The following SLC35E1 variants were observed in gnomAD, a reference collection of about 807,000 sequenced individuals.
The protein encoded by SLC35E1 is solute carrier family 35, member E1.
Under a neutral mutation model 31.0 loss-of-function variants are expected in SLC35E1, and 12 were observed. That is an observed-to-expected ratio of 0.39 (90% CI 0.25 to 0.63). The LOEUF (loss-of-function observed/expected upper bound fraction) is 0.63, where lower values mean the gene tolerates loss of function less well. SLC35E1 is among the 20% of genes least tolerant of loss of function. The pLI, the probability that SLC35E1 is intolerant of heterozygous loss-of-function variation, is 0.52. For synonymous variants in SLC35E1, 257 were observed against 264.1 expected, an observed-to-expected ratio of 0.97 and a Z score of 0.26; for missense variants, 429 against 572.2, an observed-to-expected ratio of 0.75 and a Z score of 2.55.
chr19:16,563,862 T>C (rs2122340496), intron 4 of SLC35E1, among the ~76,000 whole-genome samples: 1 of 152,240 alleles, frequency 6.6e-6, no homozygotes, highest in South Asian at 2.1e-4. Flanking sequence ...ATTATATGAG[T>C]GAGTGTACAG....
chr19:16,565,222 T>G (rs182393060), intron 4 of SLC35E1: 263 of 418,714 alleles, frequency 6.3e-4, no homozygotes, highest in Non-Finnish European at 1.0e-3. Context: ...TTTCTTTTTT[T>G]TTTTTGAGAC....
Position 16,553,827 on chromosome 19 carries a change from C to T in SLC35E1, c.1085G>A (p.Arg362Gln), listed in dbSNP as rs147619010. ...GTTGTGGGGCTTCTCCAGTGGGCTC[C>T]GGTGACGCTCCTTGCTGCTCAGGTC... Reference protein sequence around the residue: ...TADLSSKERHRSPLEKPHNGL... With the variant: ...TADLSSKERHQSPLEKPHNGL... Residue 362 changes from arginine (R) to glutamine (Q), a missense_variant, in exon 6 of 6, where the codon CGG becomes CAG. Coordinates refer to ENST00000595753, the MANE Select transcript of SLC35E1 (RefSeq NM_024881.5). The T allele has an allele frequency of 1.1e-5, 17 of 1,613,958 alleles. No individual in the cohort carries two copies. Among genetic ancestry groups the T allele is most frequent in the Middle Eastern group, 1.6e-4 (1 of 6,062 alleles).
chr19:16,557,938 C>T (rs765662400), intron 4 of SLC35E1, among the ~76,000 whole-genome samples: 4 of 152,258 alleles, frequency 2.6e-5, no homozygotes, highest in African/African-American at 9.6e-5. Context: ...CTCAGCCTCC[C>T]GCATAGCTGG....
At position 16,572,193 on chromosome 19, in the gene SLC35E1, G is replaced by A; in HGVS notation, c.172C>T (p.Pro58Ser). 2 of 1,532,096 alleles carry A rather than the reference G, an allele frequency of 1.3e-6. No homozygotes were observed. Among genetic ancestry groups the A allele is most frequent in the Non-Finnish European group, 1.8e-6 (2 of 1,138,700 alleles). 94.9% of individuals were successfully genotyped at this position (1,532,096 alleles called of 1,614,324 possible). ...ATGTGGCACAGCGACACGGTCACCG[G>A]GAACGGGAAGGCGCTCAGGATCACC... ...NKVILSAFPF[P>S]VTVSLCHILA... The change falls in exon 1 of 6, where the codon CCG becomes TCG. Residue 58 changes from proline (P) to serine (S), a missense_variant. By Grantham distance (74) the Pro-to-Ser change is moderately conservative (BLOSUM62 -1). Coordinates refer to ENST00000595753, the MANE Select transcript of SLC35E1 (RefSeq NM_024881.5). The surrounding 1 kb of genome is among the most constrained non-coding windows in gnomAD (Gnocchi z 4.1).
rs796374729 is a variant in SLC35E1 at position 16,562,981 on chromosome 19, T to C, written c.756+3551A>G. On this transcript the variant is annotated intron_variant, in intron 4 of 5. Coordinates refer to ENST00000595753, the MANE Select transcript of SLC35E1 (RefSeq NM_024881.5). Reference sequence around the variant, plus strand: ...TGCCTGCCTCTGCCTTCCAAAATACTGGGATTACATGTGTGAGGCACTGTG... The same window carrying C: ...TGCCTGCCTCTGCCTTCCAAAATACCGGGATTACATGTGTGAGGCACTGTG... Among the ~76,000 whole-genome samples, 11 of 152,302 alleles carry C rather than the reference T, an allele frequency of 7.2e-5. 1 individual carries two copies. The highest frequency in any genetic ancestry group is 2.6e-4 in the African/African-American group (11 of 41,572).
intron 4 of SLC35E1, among the ~76,000 whole-genome samples, chr19:16,564,721 C>T (rs2085923408): frequency 6.6e-6 from 1 of 152,178 alleles, no homozygotes; most frequent in South Asian, 2.1e-4. Flanking sequence ...CAAACAAACC[C>T]TCAACTCTGG....
rs1363513403 is a variant in SLC35E1, at chr19:16,553,976, A to G, written c.1003-67T>C. 6 of 1,402,970 alleles carry G rather than the reference A, an allele frequency of 4.3e-6. No individual in the cohort carries two copies. The East Asian group carries it at 9.9e-5, about 23-fold the overall frequency. 86.9% of individuals were successfully genotyped at this position (1,402,970 alleles called of 1,614,324 possible). A position where few individuals can be genotyped will look rare whatever the true frequency, so the allele number is the denominator to read the frequency against. On this transcript the variant is annotated intron_variant, in intron 5 of 5. Transcript: ENST00000595753. ...CATAAGAGCTCGTAATTCAAAGTCAATCAACTGGCTGGCTGCGGTGGCTCA... is the reference window on the plus strand; with the variant it reads ...CATAAGAGCTCGTAATTCAAAGTCAGTCAACTGGCTGGCTGCGGTGGCTCA...
intron 4 of SLC35E1, among the ~76,000 whole-genome samples, chr19:16,556,230 A>T (rs2085874466): frequency 6.6e-6 from 1 of 150,838 alleles, no homozygotes; most frequent in Non-Finnish European, 1.5e-5. Flanking sequence ...CAAACAAAAA[A>T]ACCAGTTTAG....
chr19:16,558,052 T>C (rs1402520147), intron 4 of SLC35E1, among the ~76,000 whole-genome samples: 1 of 149,670 alleles, frequency 6.7e-6, no homozygotes, highest in Non-Finnish European at 1.5e-5. Flanking sequence ...TTTGTTTTTG[T>C]TTTTTTTTGA....
At chr19:16,563,437 G>A (rs1265784713) in intron 4 of SLC35E1, among the ~76,000 whole-genome samples, 2 of 152,180 alleles carry the variant, frequency 1.3e-5, no homozygotes, top group African/African-American at 2.4e-5. Flanking sequence ...TATGGAACAG[G>A]TGAACTAGGA....
chr19:16,570,873 G>A (rs1568275629), intron 2 of SLC35E1, among the ~76,000 whole-genome samples: 1 of 152,124 alleles, frequency 6.6e-6, no homozygotes, highest in Non-Finnish European at 1.5e-5. Flanking sequence ...GAGGCGGACG[G>A]ATCACTTGAG....
chr19:16,567,572 T>A (rs1398392147), intron 3 of SLC35E1, among the ~76,000 whole-genome samples: 1 of 152,216 alleles, frequency 6.6e-6, no homozygotes, highest in Non-Finnish European at 1.5e-5. Context: ...AAACTTTTTT[T>A]TGTTTTTGAG....
chr19:16,562,564 C>T (rs1328478643), intron 4 of SLC35E1, among the ~76,000 whole-genome samples: 2 of 152,188 alleles, frequency 1.3e-5, no homozygotes, highest in African/African-American at 4.8e-5. Context: ...TACAATAAAA[C>T]TGCTATACAA....
Position 16,566,497 on chromosome 19 carries a change from A to C in SLC35E1, c.756+35T>G, listed in dbSNP as rs772893099. ...AAAGCACCTATTCTGGAACTAGCCA[A>C]GAAAATGGCGTGTTCTTGGTGCTGT... On this transcript the variant is annotated intron_variant, in intron 4 of 5. Transcript: ENST00000595753. 3.1e-6 allele frequency: 5 copies of C among 1,611,040 alleles called. No homozygotes were observed. The Admixed American group carries it at 8.4e-5, about 27-fold the overall frequency.
intron 2 of SLC35E1, 24 bp from the exon 3 acceptor site, chr19:16,568,193 G>A: frequency 6.3e-7 from 1 of 1,596,018 alleles, no homozygotes; most frequent in African/African-American, 1.3e-5. Context: ...TCATCAAGAA[G>A]GGCTCACAGG....
chr19:16,550,084 CA>C lies in SLC35E1; in HGVS notation c.*3594del, dbSNP rs1219677791. On this transcript the variant is annotated 3_prime_UTR_variant, in exon 6 of 6. Transcript: ENST00000595753. ...TGGGTGACATAGGACAAATATACAG[CA>C]AAATTCAGAAACTGCAAGTGCTTCC... 6.6e-6 allele frequency: 1 copy of C among 152,152 alleles called. No homozygotes were observed. Among genetic ancestry groups the C allele is most frequent in the Non-Finnish European group, 1.5e-5 (1 of 68,038 alleles). 9.4% of individuals were successfully genotyped at this position (152,152 alleles called of 1,614,324 possible). A position where few individuals can be genotyped will look rare whatever the true frequency, so the allele number is the denominator to read the frequency against.
At position 16,566,651 on chromosome 19, in the gene SLC35E1, G is replaced by A. The variant is rs764043868; in HGVS notation, c.637C>T (p.Arg213Ter). 5.6e-6 allele frequency: 9 copies of A among 1,611,658 alleles called. No homozygotes were observed. The highest frequency in any genetic ancestry group is 1.3e-5 in the African/African-American group (1 of 74,908). ...LQNIFSKKVL[R>*]DSRIHHLRLL... ...CGGAGATGGTGGATCCGTGAATCTC[G>A]CAAGACCTGGAAAGGGAAAGCCTCT... Residue 213 changes from arginine to a stop codon, truncating the protein, a stop_gained, in exon 4 of 6, where the codon CGA (arginine) becomes TGA (stop). Transcript: ENST00000595753. LOFTEE classifies it high-confidence loss of function.
In SLC35E1 at chr19:16,553,882, T is replaced by C. The variant is rs151052094; in HGVS notation, c.1030A>G (p.Arg344Gly). The change falls in exon 6 of 6, where the codon AGG becomes GGG. Residue 344 changes from arginine (R) to glycine (G), a missense_variant. Physicochemically the swap from Arg to Gly is moderately radical, Grantham distance 125. Coordinates refer to ENST00000595753, the MANE Select transcript of SLC35E1 (RefSeq NM_024881.5). ...GTGGTGACGGGGAGGAGGTGCTTCC[T>C]GGCTTGCTGGTTTGCATCGTACTTG... ...KTKYDANQQA[R>G]KHLLPVTTAD... is the part of the protein sequence containing the mutation. The C allele has an allele frequency of 8.1e-6, 13 of 1,611,750 alleles. No homozygotes were observed. In the Admixed American group the frequency reaches 1.0e-4, roughly 12 times the overall value.
At chr19:16,563,678 C>A (rs544538381) in intron 4 of SLC35E1, among the ~76,000 whole-genome samples, 1 of 152,200 alleles carries the variant, frequency 6.6e-6, no homozygotes, top group African/African-American at 2.4e-5. Context: ...ATGGGGTTTC[C>A]CCACGTTGGC....
Sources: allele counts gnomAD v4.1 joint callset (sites outside exome capture counted in the v4.1 genomes callset), GRCh38; gene constraint gnomAD v4.1.1; non-coding constraint Gnocchi (gnomAD v3.1); transcripts MANE v1.5; gene names NCBI Gene and HGNC (gene_info 2026-07-23, HGNC 2026-07-21).